Variants in SPAG16 observed in about 807,000 individuals in gnomAD.
The protein encoded by SPAG16 is sperm associated antigen 16.
A neutral mutation model predicts 80.4 loss-of-function variants in SPAG16; 86 were observed. The ratio of observed to expected loss-of-function variants is 1.07; its 90% confidence interval spans 0.90 to 1.28. SPAG16 has a LOEUF of 1.28. Ranked by LOEUF, SPAG16 falls within the 50% of genes most tolerant of loss-of-function variation. The probability of loss-of-function intolerance (pLI) is 0.00; values close to 1 mark genes in which losing one functional copy is unlikely to be tolerated. For synonymous variants in SPAG16, 294 were observed against 265.9 expected, an observed-to-expected ratio of 1.11 and a Z score of -1.03; for missense variants, 870 against 765.3, an observed-to-expected ratio of 1.14 and a Z score of -1.61.
chr2:213,534,862 G>A (rs933293690), intron 10 of SPAG16, among the ~76,000 whole-genome samples: 15 of 152,092 alleles, frequency 9.9e-5, no homozygotes, highest in Admixed American at 2.6e-4. Context: ...GAATGTGACC[G>A]AATTTGGAGA....
chr2:214,400,269 GCCTT>G (rs1203208991), intron 15 of SPAG16, among the ~76,000 whole-genome samples: 1 of 151,872 alleles, frequency 6.6e-6, no homozygotes, highest in Admixed American at 6.6e-5. Context: ...TCAAAGAACT[GCCTT>G]CCTAAGAAAG....
intron 9 of SPAG16, among the ~76,000 whole-genome samples, chr2:213,438,309 A>G (rs1430453322): frequency 6.6e-6 from 1 of 152,198 alleles, no homozygotes; most frequent in Non-Finnish European, 1.5e-5. Context: ...TTTGAAATAG[A>G]CAACAATGGC....
At chr2:213,314,372 A>G (rs552749644) in intron 4 of SPAG16, among the ~76,000 whole-genome samples, 33 of 151,140 alleles carry the variant, frequency 2.2e-4, no homozygotes, top group Middle Eastern at 3.4e-3. Context: ...AGAAGAAAAA[A>G]TAAAAAGTCA....
chr2:213,987,638 C>T lies in SPAG16; in HGVS notation c.1401-26313C>T, dbSNP rs148472876. On this transcript the variant is annotated intron_variant, in intron 12 of 15. Transcript: ENST00000331683. ...ACAATTGTAGCTTTGTCCACTTGGCCGATATTTAATTTCTCAATTAAGTAT... is the reference window on the plus strand; with the variant it reads ...ACAATTGTAGCTTTGTCCACTTGGCTGATATTTAATTTCTCAATTAAGTAT... Among the ~76,000 whole-genome samples, 85 of 151,784 alleles carry T rather than the reference C, an allele frequency of 5.6e-4. No individual in the cohort carries two copies. In the South Asian group the frequency reaches 9.3e-3, roughly 17 times the overall value.
intron 8 of SPAG16, among the ~76,000 whole-genome samples, chr2:213,373,649 G>C (rs1018515780): frequency 7.2e-5 from 11 of 152,022 alleles, no homozygotes; most frequent in African/African-American, 2.4e-4. Context: ...TATATTCCTG[G>C]AATTATCTGT....
chr2:213,697,160 A>G (rs887231699), intron 10 of SPAG16, among the ~76,000 whole-genome samples: 12 of 152,302 alleles, frequency 7.9e-5, no homozygotes, highest in Admixed American at 5.2e-4. Flanking sequence ...TGTGATGAAA[A>G]CAAGGAAGCC....
intron 11 of SPAG16, among the ~76,000 whole-genome samples, chr2:213,871,123 A>T (rs997245076): frequency 1.3e-5 from 2 of 152,082 alleles, no homozygotes; most frequent in African/African-American, 2.4e-5. Context: ...AGAACCTACA[A>T]CCTAGTATTA....
chr2:213,720,350 A>T (rs2125391802), intron 10 of SPAG16, among the ~76,000 whole-genome samples: 1 of 151,990 alleles, frequency 6.6e-6, no homozygotes, highest in African/African-American at 2.4e-5. Flanking sequence ...AAAATAGGCC[A>T]GGCGCAGTGG....
chr2:213,414,090 T>A (rs566029757), intron 9 of SPAG16, among the ~76,000 whole-genome samples: 1 of 152,320 alleles, frequency 6.6e-6, no homozygotes, highest in South Asian at 2.1e-4. Context: ...TTTTTATGTT[T>A]AATAATTCAT....
chr2:213,447,201 T>C (rs1010497126), intron 9 of SPAG16, among the ~76,000 whole-genome samples: 3 of 152,196 alleles, frequency 2.0e-5, no homozygotes, highest in African/African-American at 7.2e-5. Flanking sequence ...ACTTATTTTA[T>C]TTCTCATTGG....
intron 15 of SPAG16, among the ~76,000 whole-genome samples, chr2:214,213,412 G>T (rs537513907): frequency 3.3e-5 from 5 of 152,146 alleles, no homozygotes; most frequent in Non-Finnish European, 7.4e-5. Flanking sequence ...GTGCAACAAC[G>T]CAAGGCAGTG....
intron 10 of SPAG16, among the ~76,000 whole-genome samples, chr2:213,836,178 C>CG (rs1013781321): frequency 4.1e-5 from 2 of 48,280 alleles, no homozygotes; most frequent in Non-Finnish European, 4.4e-5. Context: ...CATTATTCGC[C>CG]CCCCCCCCCA....
At chr2:213,559,669 C>T (rs1459567297) in intron 10 of SPAG16, among the ~76,000 whole-genome samples, 1 of 151,880 alleles carries the variant, frequency 6.6e-6, no homozygotes, top group African/African-American at 2.4e-5. Flanking sequence ...ATGTACAAAA[C>T]CTTAAGAAAT....
At chr2:213,769,900 C>T (rs1201085381) in intron 10 of SPAG16, among the ~76,000 whole-genome samples, 1 of 152,136 alleles carries the variant, frequency 6.6e-6, no homozygotes, top group Admixed American at 6.6e-5. Flanking sequence ...ACAAAGTGTG[C>T]CCAATAAGCC....
At chr2:213,360,463 T>C (rs1023851817) in intron 7 of SPAG16, among the ~76,000 whole-genome samples, 1 of 152,204 alleles carries the variant, frequency 6.6e-6, no homozygotes, top group Non-Finnish European at 1.5e-5. Flanking sequence ...AAACCAAGGC[T>C]CAATTAACCT....
At chr2:213,636,253 T>G (rs531498267) in intron 10 of SPAG16, among the ~76,000 whole-genome samples, 6 of 152,230 alleles carry the variant, frequency 3.9e-5, no homozygotes, top group Non-Finnish European at 5.9e-5. Flanking sequence ...AAAGATCAGT[T>G]GGCTGTAAGT....
intron 9 of SPAG16, among the ~76,000 whole-genome samples, chr2:213,463,597 G>A (rs1459873396): frequency 6.6e-6 from 1 of 152,264 alleles, no homozygotes; most frequent in African/African-American, 2.4e-5. Context: ...CCCAAGCCTT[G>A]GCAGCTTTCA....
chr2:213,665,925 C>T (rs2063584619), intron 10 of SPAG16, among the ~76,000 whole-genome samples: 1 of 152,040 alleles, frequency 6.6e-6, no homozygotes, highest in South Asian at 2.1e-4. Flanking sequence ...TGATGCAAAA[C>T]ACCTGGCACT....
At chr2:214,036,176 G>GTCATTA (rs2048687248) in intron 13 of SPAG16, among the ~76,000 whole-genome samples, 1 of 151,976 alleles carries the variant, frequency 6.6e-6, no homozygotes, top group Non-Finnish European at 1.5e-5. Flanking sequence ...TATTCTTATT[G>GTCATTA]TCATTATTTA....
Sources: gnomAD v4.1 joint callset for allele counts (sites outside exome capture counted in the v4.1 genomes callset) on GRCh38, gnomAD v4.1.1 for gene constraint, MANE v1.5 for transcripts, NCBI Gene and HGNC (gene_info 2026-07-23, HGNC 2026-07-21) for gene names.